Variants in STPG2 observed in about 807,000 individuals in gnomAD.
STPG2 encodes sperm-tail PG-rich repeat-containing protein 2.
Under a neutral mutation model 54.2 loss-of-function variants are expected in STPG2, and 56 were observed. That is an observed-to-expected ratio of 1.03 (90% CI 0.83 to 1.29). STPG2 has a LOEUF of 1.29. Ranked by LOEUF, STPG2 falls within the 50% of genes most tolerant of loss-of-function variation. The pLI is 0.00. For missense variants in STPG2, 596 were observed against 544.9 expected (o/e 1.09, Z -0.93); for synonymous variants, 200 against 181.8 (o/e 1.10, Z -0.81).
intron 10 of STPG2, among the ~76,000 whole-genome samples, chr4:97,598,150 G>C (rs911637700): frequency 1.3e-5 from 2 of 151,836 alleles, no homozygotes; most frequent in Non-Finnish European, 2.9e-5. Context: ...GCCACAAAAA[G>C]AAACAAATAC....
intron 9 of STPG2, among the ~76,000 whole-genome samples, chr4:97,756,765 C>G (rs1425257202): frequency 6.6e-6 from 1 of 152,040 alleles, no homozygotes; most frequent in African/African-American, 2.4e-5. Context: ...CTATTTTCTT[C>G]CTTTTTATTT....
At chr4:97,757,207 A>C (rs1048405839) in intron 9 of STPG2, among the ~76,000 whole-genome samples, 1 of 152,168 alleles carries the variant, frequency 6.6e-6, no homozygotes. Flanking sequence ...TTACAATTCA[A>C]GTCCATCTCC....
At chr4:98,011,739 T>C (rs1020443439) in intron 5 of STPG2, among the ~76,000 whole-genome samples, 4 of 152,254 alleles carry the variant, frequency 2.6e-5, no homozygotes, top group Non-Finnish European at 5.9e-5. Context: ...CATATGTTTG[T>C]TGGCTGCATA....
intron 10 of STPG2, among the ~76,000 whole-genome samples, chr4:97,662,870 C>T (rs1722414201): frequency 6.6e-6 from 1 of 152,060 alleles, no homozygotes; most frequent in Non-Finnish European, 1.5e-5. Flanking sequence ...GATCTGTACC[C>T]CAAACTTCAA....
chr4:98,069,459 G>C (rs1737936038), intron 5 of STPG2, among the ~76,000 whole-genome samples: 1 of 151,898 alleles, frequency 6.6e-6, no homozygotes, highest in African/African-American at 2.4e-5. Flanking sequence ...CCCTTAATCA[G>C]CAATTTTAAT....
At chr4:97,489,558 C>T (rs1730453182) in intron 4 of STPG2, among the ~76,000 whole-genome samples, 1 of 151,568 alleles carries the variant, frequency 6.6e-6, no homozygotes, top group Non-Finnish European at 1.5e-5. Flanking sequence ...ATTGTCTCTC[C>T]TTCCCTCTTA....
chr4:97,589,958 G>C (rs936055545), intron 10 of STPG2, among the ~76,000 whole-genome samples: 1 of 152,106 alleles, frequency 6.6e-6, no homozygotes, highest in Non-Finnish European at 1.5e-5. Context: ...TATGGTGTTT[G>C]TATAGTGGTG....
intron 9 of STPG2, among the ~76,000 whole-genome samples, chr4:97,752,400 G>C (rs1279068681): frequency 6.6e-6 from 1 of 151,776 alleles, no homozygotes; most frequent in Admixed American, 6.6e-5. Context: ...CACAGAGCTA[G>C]TTTTGTTAGA....
chr4:97,490,007 C>A (rs1395644299), intron 4 of STPG2: 1 of 151,242 alleles, frequency 6.6e-6, no homozygotes, highest in Non-Finnish European at 1.5e-5. Flanking sequence ...TGGTCAAGAC[C>A]TCATAACAAC....
At chr4:97,503,541 C>G (rs1730772707) in intron 4 of STPG2, among the ~76,000 whole-genome samples, 1 of 151,392 alleles carries the variant, frequency 6.6e-6, no homozygotes, top group African/African-American at 2.4e-5. Flanking sequence ...CACTGTGAGC[C>G]TCCCAAAGTG....
intron 8 of STPG2, among the ~76,000 whole-genome samples, chr4:97,865,198 C>G (rs1281391849): frequency 1.3e-5 from 2 of 152,008 alleles, no homozygotes; most frequent in Non-Finnish European, 2.9e-5. Flanking sequence ...ACTCATCTGA[C>G]AAAGGGCTAA....
chr4:98,023,159 T>C (rs978655297), intron 5 of STPG2, among the ~76,000 whole-genome samples: 1 of 152,304 alleles, frequency 6.6e-6, no homozygotes, highest in Middle Eastern at 3.4e-3. Context: ...CATCTACTTT[T>C]GGTCTTTGAT....
At chr4:97,541,142 A>G (rs1482275314) in intron 4 of STPG2, among the ~76,000 whole-genome samples, 1 of 152,190 alleles carries the variant, frequency 6.6e-6, no homozygotes, top group Non-Finnish European at 1.5e-5. Flanking sequence ...GGAGAAGGAA[A>G]TAAAGGGTAT....
intron 10 of STPG2, among the ~76,000 whole-genome samples, chr4:97,710,233 T>C (rs1399475301): frequency 1.3e-5 from 2 of 151,990 alleles, no homozygotes; most frequent in Non-Finnish European, 2.9e-5. Flanking sequence ...ACAAACAGCT[T>C]AGCTAGTAAT....
intron 3 of STPG2, among the ~76,000 whole-genome samples, chr4:98,117,374 G>C (rs1456541883): frequency 6.6e-6 from 1 of 151,804 alleles, no homozygotes; most frequent in African/African-American, 2.4e-5. Context: ...GCTTTCAACA[G>C]CTTGACTGTG....
At chr4:97,546,552 C>G (rs17464863) in intron 4 of STPG2, among the ~76,000 whole-genome samples, 1,761 of 152,068 alleles carry the variant, frequency 0.012, 17 homozygotes, top group Non-Finnish European at 0.019. Context: ...ATAAATTTTT[C>G]TTTGTTACTA....
intron 9 of STPG2, among the ~76,000 whole-genome samples, chr4:97,832,763 G>T (rs1728507647): frequency 6.6e-6 from 1 of 152,104 alleles, no homozygotes; most frequent in Admixed American, 6.6e-5. Context: ...ATTCATAATT[G>T]CCAGAAAGAG....
intron 9 of STPG2, among the ~76,000 whole-genome samples, chr4:97,726,211 G>T (rs571936419): frequency 6.6e-6 from 1 of 151,984 alleles, no homozygotes; most frequent in Non-Finnish European, 1.5e-5. Flanking sequence ...TAGACAATTT[G>T]TATGATATTG....
intron 10 of STPG2, among the ~76,000 whole-genome samples, chr4:97,673,440 A>T (rs1722753701): frequency 6.6e-6 from 1 of 152,198 alleles, no homozygotes; most frequent in Non-Finnish European, 1.5e-5. Flanking sequence ...CATCATAATT[A>T]GATAAAAAAT....
Sources: allele counts gnomAD v4.1 joint callset (sites outside exome capture counted in the v4.1 genomes callset), GRCh38; gene constraint gnomAD v4.1.1; transcripts MANE v1.5; gene names NCBI Gene and HGNC (gene_info 2026-07-23, HGNC 2026-07-21).